Variants in MAMLD1 observed in about 807,000 individuals in gnomAD.
MAMLD1 encodes the protein mastermind-like domain-containing protein 1.
MAMLD1 carries 14 observed loss-of-function variants against 45.0 expected under a neutral mutation model. The observed-to-expected ratio is 0.31, with a 90% CI of 0.21 to 0.49. MAMLD1 has a LOEUF of 0.49. Ranked by LOEUF, MAMLD1 falls within the 20% of genes least tolerant of loss-of-function variation. The pLI is 0.99. For synonymous variants in MAMLD1, 254 were observed against 247.8 expected (o/e 1.02, Z -0.24); for missense variants, 543 against 603.6 (o/e 0.90, Z 1.05).
At chrX:150,479,574 A>G (rs2036689623) in intron 5 of MAMLD1, among the ~76,000 whole-genome samples, 1 of 112,333 alleles carries the variant, frequency 8.9e-6, no homozygotes, top group South Asian at 3.7e-4. Context: ...ATTTTATGCT[A>G]AGTTAATTAA....
At chrX:150,369,660 C>G (rs930151804) in intron 1 of MAMLD1, among the ~76,000 whole-genome samples, 1 of 112,037 alleles carries the variant, frequency 8.9e-6, no homozygotes, top group Non-Finnish European at 1.9e-5. Flanking sequence ...ATAACGGGAT[C>G]TAAACTCTTT....
At chrX:150,451,179 G>T (rs2035651563) in intron 2 of MAMLD1, among the ~76,000 whole-genome samples, 1 of 112,487 alleles carries the variant, frequency 8.9e-6, no homozygotes, top group Non-Finnish European at 1.9e-5. Context: ...GCTGGTTTAT[G>T]CAGGCACCTG....
At chrX:150,486,705 C>T (rs973108289) in intron 5 of MAMLD1, among the ~76,000 whole-genome samples, 8 of 111,909 alleles carry the variant, frequency 7.1e-5, no homozygotes, top group Non-Finnish European at 1.5e-4. Context: ...ATGTGTCATC[C>T]TCTGAATTTG....
chrX:150,490,507 C>T (rs1399349888), intron 5 of MAMLD1, among the ~76,000 whole-genome samples: 1 of 112,265 alleles, frequency 8.9e-6, no homozygotes, highest in Non-Finnish European at 1.9e-5. Flanking sequence ...ATTCAGGCCT[C>T]GGAGTTGGGG....
intron 3 of MAMLD1, among the ~76,000 whole-genome samples, chrX:150,463,187 A>G (rs1246510577): frequency 1.8e-5 from 2 of 112,335 alleles, no homozygotes; most frequent in African/African-American, 6.5e-5. Context: ...AGCTTCTATT[A>G]CAGCTACCTC....
At chrX:150,366,759 C>CT (rs782559439) in intron 1 of MAMLD1, among the ~76,000 whole-genome samples, 2 of 111,428 alleles carry the variant, frequency 1.8e-5, no homozygotes, top group Non-Finnish European at 3.8e-5. Context: ...GCCCTGCCCT[C>CT]TCCCGGTGCC....
intron 5 of MAMLD1, among the ~76,000 whole-genome samples, chrX:150,484,029 G>A (rs1040570091): frequency 1.4e-4 from 16 of 112,455 alleles, no homozygotes; most frequent in African/African-American, 5.2e-4. Context: ...CTTACACACA[G>A]TGTGTTTGTA....
Position 150,387,968 on chromosome X carries a change from A to G in MAMLD1, c.-64+24438A>G, listed in dbSNP as rs1323068623. Among the ~76,000 whole-genome samples, 33 of 111,953 alleles carry G rather than the reference A, an allele frequency of 2.9e-4. 1 individual carries two copies. The highest frequency in any genetic ancestry group is 1.9e-5 in the Non-Finnish European group (1 of 53,166). On this transcript the variant is annotated intron_variant, in intron 1 of 7. Transcript: ENST00000370401. ...GCTGATTTTTAAAATTTAAGTTCAT[A>G]AAAGATATTTATTTATAATTGTCTT...
chrX:150,508,745 G>A (rs374313919), intron 6 of MAMLD1, among the ~76,000 whole-genome samples: 23 of 112,553 alleles, frequency 2.0e-4, no homozygotes, highest in African/African-American at 6.8e-4. Flanking sequence ...CGGGCAGCCC[G>A]TGTTGTAGAG....
chrX:150,426,753 A>G (rs150304560), intron 1 of MAMLD1, among the ~76,000 whole-genome samples: 1,151 of 111,164 alleles, frequency 0.01, 19 homozygotes, highest in African/African-American at 0.036. Flanking sequence ...TCAGTCCCTC[A>G]CCACAGAAGA....
chrX:150,481,956 AG>A (rs376258011), intron 5 of MAMLD1, among the ~76,000 whole-genome samples: 81 of 95,853 alleles, frequency 8.5e-4, no homozygotes, highest in African/African-American at 3.2e-3. Context: ...AAAGAAAGAA[AG>A]AAAGAAAAAA....
intron 4 of MAMLD1, among the ~76,000 whole-genome samples, chrX:150,472,918 C>A (rs1557406644): frequency 9.0e-6 from 1 of 111,653 alleles, no homozygotes; most frequent in Admixed American, 9.5e-5. Context: ...AAGTTCAGGT[C>A]CTCTTGATTC....
intron 5 of MAMLD1, among the ~76,000 whole-genome samples, chrX:150,488,973 T>A (rs1431579450): frequency 2.7e-5 from 3 of 112,981 alleles, no homozygotes; most frequent in African/African-American, 9.6e-5. Context: ...TCAGGAACCC[T>A]AGGAGAGTAG....
intron 2 of MAMLD1, among the ~76,000 whole-genome samples, chrX:150,452,132 C>T (rs2035684606): frequency 8.9e-6 from 1 of 112,305 alleles, no homozygotes; most frequent in African/African-American, 3.2e-5. Flanking sequence ...CTAGGCCACC[C>T]ACATTGCTGG....
At chrX:150,400,151 C>A (rs1274171145) in intron 1 of MAMLD1, among the ~76,000 whole-genome samples, 1 of 111,891 alleles carries the variant, frequency 8.9e-6, no homozygotes, top group African/African-American at 3.2e-5. Flanking sequence ...CTCTTTTGTG[C>A]AGAATGGAAG....
At chrX:150,424,749 T>A (rs782025408) in intron 1 of MAMLD1, among the ~76,000 whole-genome samples, 1 of 112,627 alleles carries the variant, frequency 8.9e-6, no homozygotes, top group African/African-American at 3.2e-5. Context: ...ATAATTCATA[T>A]ACCATTCAAT....
intron 1 of MAMLD1, among the ~76,000 whole-genome samples, chrX:150,399,813 C>A (rs2033672564): frequency 8.9e-6 from 1 of 112,040 alleles, no homozygotes; most frequent in Non-Finnish European, 1.9e-5. Flanking sequence ...TTGTTTTAAG[C>A]CCCACAGTTT....
intron 5 of MAMLD1, among the ~76,000 whole-genome samples, chrX:150,498,820 T>C (rs1478827180): frequency 8.9e-6 from 1 of 112,544 alleles, no homozygotes; most frequent in African/African-American, 3.2e-5. Flanking sequence ...TGCATACTTA[T>C]GATATATTGA....
At chrX:150,483,005 C>T (rs782289812) in intron 5 of MAMLD1, among the ~76,000 whole-genome samples, 1 of 112,001 alleles carries the variant, frequency 8.9e-6, no homozygotes, top group Non-Finnish European at 1.9e-5. Context: ...ATACAGGAGC[C>T]GACAGAATGC....
Sources: allele counts gnomAD v4.1 joint callset (sites outside exome capture counted in the v4.1 genomes callset), GRCh38; gene constraint gnomAD v4.1.1; transcripts MANE v1.5; gene names NCBI Gene and HGNC (gene_info 2026-07-23, HGNC 2026-07-21).